GRIK1: variants seen among roughly 807,000 people sequenced by gnomAD.
GRIK1 encodes glutamate receptor ionotropic, kainate 1.
A neutral mutation model predicts 105.7 loss-of-function variants in GRIK1; 69 were observed. That is an observed-to-expected ratio of 0.65 (90% CI 0.54 to 0.80). The LOEUF is 0.80. Ranked by LOEUF, GRIK1 falls within the 30% of genes least tolerant of loss-of-function variation. The probability of loss-of-function intolerance (pLI) is 0.00; values close to 1 mark genes in which losing one functional copy is unlikely to be tolerated. For missense variants in GRIK1, 1,109 were observed against 1,167.3 expected (o/e 0.95, Z 0.73); for synonymous variants, 438 against 431.3 (o/e 1.02, Z -0.19).
At chr21:29,595,112 A>G (rs575026548) in intron 9 of GRIK1, among the ~76,000 whole-genome samples, 10 of 152,246 alleles carry the variant, frequency 6.6e-5, no homozygotes, top group Non-Finnish European at 1.0e-4. Context: ...ACAACTTACA[A>G]TGTGGAACAT....
intron 16 of GRIK1, chr21:29,553,498 A>G (rs138990190): frequency 1.3e-6 from 2 of 1,487,232 alleles, no homozygotes; most frequent in African/African-American, 1.4e-5. Flanking sequence ...TATCAACAAC[A>G]CCAATTAGCA....
intron 1 of GRIK1, among the ~76,000 whole-genome samples, chr21:29,724,772 G>A (rs1220058479): frequency 1.3e-5 from 2 of 152,098 alleles, no homozygotes; most frequent in Admixed American, 6.6e-5. Flanking sequence ...CTGAATTAAG[G>A]GGCTACAGGA....
At chr21:29,768,719 T>C (rs2145725596) in intron 1 of GRIK1, among the ~76,000 whole-genome samples, 1 of 152,260 alleles carries the variant, frequency 6.6e-6, no homozygotes, top group Admixed American at 6.5e-5. Context: ...AGACAGACCA[T>C]GCTGAAGAGT....
At chr21:29,715,399 G>C (rs1282575936) in intron 1 of GRIK1, among the ~76,000 whole-genome samples, 1 of 152,090 alleles carries the variant, frequency 6.6e-6, no homozygotes, top group Non-Finnish European at 1.5e-5. Context: ...CTAGGATGAG[G>C]CAAGGAGGCA....
chr21:29,869,424 G>A (rs2068934833), intron 1 of GRIK1, among the ~76,000 whole-genome samples: 2 of 152,176 alleles, frequency 1.3e-5, no homozygotes, highest in African/African-American at 4.8e-5. Context: ...GCTCTGCTAA[G>A]TGGTATGGAA....
intron 1 of GRIK1, among the ~76,000 whole-genome samples, chr21:29,895,065 G>A (rs2070080082): frequency 6.6e-6 from 1 of 152,180 alleles, no homozygotes; most frequent in Non-Finnish European, 1.5e-5. Flanking sequence ...AATAGTGGTG[G>A]TGGCAGGGGG....
At chr21:29,713,329 G>A (rs1370284944) in intron 1 of GRIK1, among the ~76,000 whole-genome samples, 1 of 152,052 alleles carries the variant, frequency 6.6e-6, no homozygotes, top group East Asian at 1.9e-4. Context: ...AAACTAATTT[G>A]ATTTGGATTT....
At chr21:29,914,290 G>A (rs2070918810) in intron 1 of GRIK1, among the ~76,000 whole-genome samples, 1 of 152,126 alleles carries the variant, frequency 6.6e-6, no homozygotes, top group Middle Eastern at 3.4e-3. Context: ...ATTCCTCCAT[G>A]AGAGGAATTA....
rs76715400 is a variant in GRIK1, at chr21:29,721,263, C to T, written c.119-27200G>A. Among the ~76,000 whole-genome samples, 397 of 152,164 alleles carry T rather than the reference C, an allele frequency of 2.6e-3. 2 individuals carry two copies. Among genetic ancestry groups the T allele is most frequent in the African/African-American group, 9.1e-3 (379 of 41,512 alleles). On this transcript the variant is annotated intron_variant, in intron 1 of 17. Coordinates refer to ENST00000327783, the MANE Select transcript of GRIK1 (RefSeq NM_001330994.2). Reference sequence around the variant, plus strand: ...TCATAGACTCAGTTATTGAACCCTCCGAGGATAGATGGAAGGTTTTCCCTT... The same window carrying T: ...TCATAGACTCAGTTATTGAACCCTCTGAGGATAGATGGAAGGTTTTCCCTT...
intron 13 of GRIK1, among the ~76,000 whole-genome samples, chr21:29,579,244 T>C (rs2090963040): frequency 6.6e-6 from 1 of 152,244 alleles, no homozygotes; most frequent in East Asian, 1.9e-4. Context: ...TCTCAATGTT[T>C]CTTCATGTTT....
chr21:29,782,257 T>G (rs2066140793), intron 1 of GRIK1, among the ~76,000 whole-genome samples: 1 of 151,514 alleles, frequency 6.6e-6, no homozygotes, highest in South Asian at 2.1e-4. Context: ...TGGCTAATTT[T>G]TTGTATTTTT....
intron 1 of GRIK1, among the ~76,000 whole-genome samples, chr21:29,875,283 T>G (rs944868638): frequency 1.3e-5 from 2 of 152,222 alleles, no homozygotes; most frequent in African/African-American, 4.8e-5. Flanking sequence ...AAATGATTAC[T>G]CTCTTTCTTC....
At chr21:29,742,226 A>G (rs2064947543) in intron 1 of GRIK1, among the ~76,000 whole-genome samples, 1 of 152,028 alleles carries the variant, frequency 6.6e-6, no homozygotes, top group Non-Finnish European at 1.5e-5. Context: ...AAGGAATCAG[A>G]AAAAAAAGCA....
chr21:29,688,730 G>A (rs2063530872), intron 3 of GRIK1, among the ~76,000 whole-genome samples: 1 of 152,176 alleles, frequency 6.6e-6, no homozygotes, highest in African/African-American at 2.4e-5. Flanking sequence ...AAGTGCTAGT[G>A]AACCCTCTGG....
Position 29,928,265 on chromosome 21 carries a change from G to A in GRIK1, c.118+11118C>T, listed in dbSNP as rs544485158. ...GTTTATTGTTTTTGTTGCTTCTTTC[G>A]TTGCTGCTTTAATTTTTAAAAGCAT... On this transcript the variant is annotated intron_variant, in intron 1 of 17. Transcript: ENST00000327783. 8.5e-5 allele frequency among the ~76,000 whole-genome samples: 13 copies of A among 152,250 alleles called. No individual in the cohort carries two copies. The South Asian group carries it at 1.0e-3, about 12-fold the overall frequency.
intron 1 of GRIK1, among the ~76,000 whole-genome samples, chr21:29,798,112 T>C (rs949823271): frequency 6.6e-5 from 10 of 152,216 alleles, no homozygotes; most frequent in African/African-American, 1.2e-4. Flanking sequence ...CTGGAAGAAA[T>C]TGACTTTATT....
intron 4 of GRIK1, chr21:29,657,809 TA>T (rs1287309633): frequency 6.6e-6 from 1 of 152,256 alleles, no homozygotes; most frequent in African/African-American, 2.4e-5. Flanking sequence ...GCATACTTTG[TA>T]AATAAAACGA....
At chr21:29,760,723 G>C (rs1244208013) in intron 1 of GRIK1, among the ~76,000 whole-genome samples, 1 of 152,208 alleles carries the variant, frequency 6.6e-6, no homozygotes, top group Non-Finnish European at 1.5e-5. Flanking sequence ...ACACGATCTT[G>C]CAGAGGTGTC....
chr21:29,913,675 A>AT (rs947494292), intron 1 of GRIK1, among the ~76,000 whole-genome samples: 7 of 91,032 alleles, frequency 7.7e-5, no homozygotes, highest in African/African-American at 4.4e-4. Flanking sequence ...AACACTAAAT[A>AT]TATATATATA....
Sources: gnomAD v4.1 joint callset for allele counts (sites outside exome capture counted in the v4.1 genomes callset) on GRCh38, gnomAD v4.1.1 for gene constraint, MANE v1.5 for transcripts, NCBI Gene and HGNC (gene_info 2026-07-23, HGNC 2026-07-21) for gene names.